Variants in TPST1 observed in about 807,000 individuals in gnomAD.
TPST1 encodes protein-tyrosine sulfotransferase 1.
TPST1 carries 20 observed loss-of-function variants against 34.8 expected under a neutral mutation model. The ratio of observed to expected loss-of-function variants is 0.57; its 90% CI spans 0.40 to 0.84. The LOEUF (loss-of-function observed/expected upper bound fraction) is 0.84, where lower values mean the gene tolerates loss of function less well. TPST1 is among the 40% of genes least tolerant of loss of function. The pLI is 0.00. For synonymous variants in TPST1, 152 were observed against 159.4 expected (o/e 0.95, Z 0.35); for missense variants, 353 against 455.5 (o/e 0.78, Z 2.05).
At chr7:66,278,100 C>CAAAA (rs35654351) in intron 2 of TPST1, among the ~76,000 whole-genome samples, 4,238 of 50,184 alleles carry the variant, frequency 0.084, 707 homozygotes, top group East Asian at 0.13. Flanking sequence ...GACTCCATCT[C>CAAAA]AAAAAAAAAA....
At chr7:66,228,193 T>C (rs17138149) in intron 1 of TPST1, among the ~76,000 whole-genome samples, 35,224 of 152,154 alleles carry the variant, frequency 0.23, 4,287 homozygotes, top group East Asian at 0.35. Flanking sequence ...AAACTATTGG[T>C]TGCTTCTTTA....
At chr7:66,229,641 T>C (rs1026312064) in intron 1 of TPST1, among the ~76,000 whole-genome samples, 7 of 152,208 alleles carry the variant, frequency 4.6e-5, no homozygotes, top group African/African-American at 1.4e-4. Context: ...CTAGGATAAA[T>C]GCTCAGGAAT....
chr7:66,279,260 A>G (rs1298495496), intron 2 of TPST1, among the ~76,000 whole-genome samples: 1 of 152,074 alleles, frequency 6.6e-6, no homozygotes, highest in Non-Finnish European at 1.5e-5. Flanking sequence ...AAAGGACACT[A>G]TTTCATTTTT....
At chr7:66,224,785 G>A (rs1043364729) in intron 1 of TPST1, among the ~76,000 whole-genome samples, 6 of 151,770 alleles carry the variant, frequency 4.0e-5, no homozygotes, top group Non-Finnish European at 7.4e-5. Flanking sequence ...TATTTCATTT[G>A]GCCTGCTGGG....
At chr7:66,306,149 C>T (rs770686100) in intron 3 of TPST1, among the ~76,000 whole-genome samples, 32 of 152,152 alleles carry the variant, frequency 2.1e-4, no homozygotes, top group South Asian at 8.3e-4. Flanking sequence ...ACGTCTCTCT[C>T]TCTCTCTCTC....
intron 1 of TPST1, among the ~76,000 whole-genome samples, chr7:66,232,311 T>G (rs886707231): frequency 1.3e-5 from 2 of 149,218 alleles, no homozygotes; most frequent in Non-Finnish European, 3.0e-5. Context: ...CAAGTAATCC[T>G]CCCACCTCAG....
At chr7:66,236,254 T>C (rs1365333269) in intron 1 of TPST1, among the ~76,000 whole-genome samples, 1 of 152,146 alleles carries the variant, frequency 6.6e-6, no homozygotes, top group East Asian at 1.9e-4. Flanking sequence ...TTTATAGGGT[T>C]GTACAACTAT....
At chr7:66,328,655 T>C (rs929119561) in intron 3 of TPST1, among the ~76,000 whole-genome samples, 1 of 150,352 alleles carries the variant, frequency 6.7e-6, no homozygotes, top group Non-Finnish European at 1.5e-5. Context: ...AGCAATTCTC[T>C]TGCCTAAACC....
intron 3 of TPST1, among the ~76,000 whole-genome samples, chr7:66,304,300 G>A (rs1212845831): frequency 6.6e-6 from 1 of 152,176 alleles, no homozygotes. Flanking sequence ...GCCAAAGTAG[G>A]ACTCAGTGTG....
chr7:66,276,648 T>A (rs1281451664), intron 2 of TPST1, among the ~76,000 whole-genome samples: 1 of 152,072 alleles, frequency 6.6e-6, no homozygotes, highest in Non-Finnish European at 1.5e-5. Flanking sequence ...TTAACTCTTG[T>A]CTTCCTTCTA....
At chr7:66,277,329 G>A (rs1011924953) in intron 2 of TPST1, among the ~76,000 whole-genome samples, 1 of 152,138 alleles carries the variant, frequency 6.6e-6, no homozygotes, top group African/African-American at 2.4e-5. Flanking sequence ...GATTTTTAGA[G>A]TTTGGTTTAT....
chr7:66,332,150 G>A lies in TPST1; in HGVS notation c.1045-20355G>A, dbSNP rs1247796128. On this transcript the variant is annotated intron_variant, in intron 3 of 5. Transcript: ENST00000304842. The surrounding 1 kb of genome is among the most constrained non-coding windows in gnomAD (Gnocchi z 4.5). Reference sequence around the variant, plus strand: ...CATCCCCTCTGCTGGTCCATGGAAAGATTGTTTTTCACAAAACCGGCCCAA... The same window carrying A: ...CATCCCCTCTGCTGGTCCATGGAAAAATTGTTTTTCACAAAACCGGCCCAA... 4.4e-5 allele frequency among the ~76,000 whole-genome samples: 4 copies of A among 91,770 alleles called. No individual in the cohort carries two copies. The highest frequency in any genetic ancestry group is 1.9e-4 in the African/African-American group (4 of 21,226). 60.2% of individuals were successfully genotyped at this position (91,770 alleles called of 152,430 possible).
intron 1 of TPST1, among the ~76,000 whole-genome samples, chr7:66,239,288 C>G (rs1789977335): frequency 6.6e-6 from 1 of 152,214 alleles, no homozygotes; most frequent in Non-Finnish European, 1.5e-5. Flanking sequence ...GTCCTTCCTT[C>G]CTACTTTCTG....
At chr7:66,223,889 T>A (rs920414368) in intron 1 of TPST1, among the ~76,000 whole-genome samples, 3 of 152,224 alleles carry the variant, frequency 2.0e-5, no homozygotes, top group African/African-American at 7.2e-5. Context: ...CATCATTTCA[T>A]TTAACTTGAA....
At chr7:66,249,591 G>A (rs1047110241) in intron 2 of TPST1, among the ~76,000 whole-genome samples, 2 of 152,108 alleles carry the variant, frequency 1.3e-5, no homozygotes, top group African/African-American at 4.8e-5. Context: ...AAGAACTTGC[G>A]CTTCTAACAG....
chr7:66,225,888 T>G (rs879735971), intron 1 of TPST1, among the ~76,000 whole-genome samples: 1 of 151,946 alleles, frequency 6.6e-6, no homozygotes, highest in Non-Finnish European at 1.5e-5. Context: ...TTTGTTTTTG[T>G]TTTTGTTTTT....
At chr7:66,353,841 T>C (rs1792529591) in intron 4 of TPST1, among the ~76,000 whole-genome samples, 1 of 152,150 alleles carries the variant, frequency 6.6e-6, no homozygotes, top group Non-Finnish European at 1.5e-5. Context: ...TTGTGTGAAG[T>C]CCAGTTGCCT....
intron 1 of TPST1, among the ~76,000 whole-genome samples, chr7:66,215,598 TCTC>T (rs1381631801): frequency 6.6e-6 from 1 of 151,542 alleles, no homozygotes; most frequent in African/African-American, 2.4e-5. Flanking sequence ...ATGGTCTCGA[TCTC>T]CTGACCTCGT....
At chr7:66,349,626 G>A (rs945257853) in intron 3 of TPST1, among the ~76,000 whole-genome samples, 4 of 152,092 alleles carry the variant, frequency 2.6e-5, no homozygotes, top group Non-Finnish European at 4.4e-5. Context: ...TCAACCCACT[G>A]ACAAGAGAAG....
Sources: allele counts gnomAD v4.1 joint callset (sites outside exome capture counted in the v4.1 genomes callset), GRCh38; gene constraint gnomAD v4.1.1; non-coding constraint Gnocchi (gnomAD v3.1); transcripts MANE v1.5; gene names NCBI Gene and HGNC (gene_info 2026-07-23, HGNC 2026-07-21).